The following GALNT7 variants were observed in gnomAD, a reference collection of about 807,000 sequenced individuals.
GALNT7 encodes the protein polypeptide N-acetylgalactosaminyltransferase 7.
A neutral mutation model predicts 82.1 loss-of-function variants in GALNT7; 60 were observed. The observed-to-expected ratio is 0.73, with a 90% CI of 0.59 to 0.91. The LOEUF (loss-of-function observed/expected upper bound fraction) is 0.91. Ranked by LOEUF, GALNT7 falls within the 40% of genes least tolerant of loss-of-function variation. The pLI, the probability that GALNT7 is intolerant of heterozygous loss-of-function variation, is 0.00. For missense variants in GALNT7, 660 were observed against 804.2 expected (o/e 0.82, Z 2.17); for synonymous variants, 243 against 275.1 (o/e 0.88, Z 1.15).
chr4:173,264,841 T>C (rs1484194570), intron 2 of GALNT7, among the ~76,000 whole-genome samples: 1 of 152,232 alleles, frequency 6.6e-6, no homozygotes, highest in African/African-American at 2.4e-5. Flanking sequence ...TGTGGCATGC[T>C]TTCTTTTGTG....
intron 1 of GALNT7, among the ~76,000 whole-genome samples, chr4:173,185,736 T>C (rs1009975217): frequency 7.9e-5 from 12 of 152,220 alleles, no homozygotes; most frequent in Admixed American, 7.9e-4. Context: ...TTTTGTTTTT[T>C]TAATTTCCTT....
rs866554385 is a variant in GALNT7 at position 173,184,922 on chromosome 4, G to A, written c.126+15961G>A. 9.9e-5 allele frequency among the ~76,000 whole-genome samples: 15 copies of A among 152,200 alleles called. No homozygotes were observed. The Middle Eastern group carries it at 0.01, about 104-fold the overall frequency. On this transcript the variant is annotated intron_variant, in intron 1 of 11. Transcript: ENST00000265000. ...ATAACCATATTTAAGTGGTAAAAAA[G>A]ATCAGAACATATACAGTGCCTTCTT... is the stretch of plus-strand genomic sequence containing the variant.
At chr4:173,307,415 G>A (rs1737201096) in intron 8 of GALNT7, among the ~76,000 whole-genome samples, 1 of 152,246 alleles carries the variant, frequency 6.6e-6, no homozygotes. Flanking sequence ...GCCAAGAATG[G>A]GAGCACAGAT....
chr4:173,171,450 C>T (rs1731870086), intron 1 of GALNT7, among the ~76,000 whole-genome samples: 1 of 152,236 alleles, frequency 6.6e-6, no homozygotes, highest in Admixed American at 6.5e-5. Flanking sequence ...TCTACTCCAG[C>T]AAGCTTGTAC....
chr4:173,289,153 C>T (rs1294106825), intron 2 of GALNT7, among the ~76,000 whole-genome samples: 1 of 152,104 alleles, frequency 6.6e-6, no homozygotes, highest in East Asian at 2.0e-4. Flanking sequence ...CTTCCAATCC[C>T]ATGCAATGTC....
At chr4:173,261,381 T>G (rs1027062538) in intron 2 of GALNT7, among the ~76,000 whole-genome samples, 21 of 144,356 alleles carry the variant, frequency 1.5e-4, no homozygotes, top group Admixed American at 2.2e-4. Context: ...GTGGCATCAG[T>G]TTTTTTTTGT....
chr4:173,224,720 A>C (rs1733748768), intron 1 of GALNT7, among the ~76,000 whole-genome samples: 1 of 152,124 alleles, frequency 6.6e-6, no homozygotes. Context: ...GTTTTTAAAA[A>C]TGCAAATATT....
At chr4:173,177,909 A>G (rs905388469) in intron 1 of GALNT7, among the ~76,000 whole-genome samples, 31 of 152,100 alleles carry the variant, frequency 2.0e-4, no homozygotes, top group African/African-American at 7.5e-4. Context: ...AAGTTTTATT[A>G]GAGAACTGTA....
intron 2 of GALNT7, among the ~76,000 whole-genome samples, chr4:173,274,843 G>T (rs1735844544): frequency 6.6e-6 from 1 of 152,084 alleles, no homozygotes. Context: ...AGTCAGCCGG[G>T]GATGTTGAAC....
intron 1 of GALNT7, among the ~76,000 whole-genome samples, chr4:173,203,920 C>T (rs1733017027): frequency 6.6e-6 from 1 of 152,148 alleles, no homozygotes; most frequent in Admixed American, 6.5e-5. Flanking sequence ...GTACTTTTAC[C>T]AGTAAGTTTT....
chr4:173,303,561 C>T (rs1197960386), intron 7 of GALNT7, among the ~76,000 whole-genome samples: 1 of 152,212 alleles, frequency 6.6e-6, no homozygotes, highest in Non-Finnish European at 1.5e-5. Flanking sequence ...AGCTGCCCTT[C>T]ACCTATAATA....
chr4:173,248,164 A>T lies in GALNT7; in HGVS notation c.311A>T (p.Gln104Leu). 6.2e-7 allele frequency: 1 copy of T among 1,613,944 alleles called. No homozygotes were observed. The highest frequency in any genetic ancestry group is 2.2e-5 in the East Asian group (1 of 44,876). ...EQEHHAGGDSQKDIMQRQYLT... is the reference protein window; with the variant it reads ...EQEHHAGGDSLKDIMQRQYLT... ...GAGCACCATGCTGGAGGAGATTCCC[A>T]GAAAGATATCATGCAGAGGCAGTAT... The change falls in exon 2 of 12, where the codon CAG (glutamine) becomes CTG (leucine). Residue 104 changes from glutamine (Q) to leucine (L), a missense_variant. By Grantham distance (113) the Gln-to-Leu change is moderately radical (BLOSUM62 -2). Transcript: ENST00000265000.
chr4:173,170,614 CATGGAGTG>C (rs1731829033), intron 1 of GALNT7, among the ~76,000 whole-genome samples: 1 of 152,166 alleles, frequency 6.6e-6, no homozygotes, highest in South Asian at 2.1e-4. Context: ...CTTCTCAGCT[CATGGAGTG>C]ATGGTGATCT....
chr4:173,169,022 C>T (rs1579868789), intron 1 of GALNT7, 61 bp downstream of exon 1: 3 of 1,570,528 alleles, frequency 1.9e-6, no homozygotes, highest in South Asian at 1.1e-5. Flanking sequence ...TGTTTGCCCG[C>T]GTGTGGAGGG....
intron 1 of GALNT7, among the ~76,000 whole-genome samples, chr4:173,215,173 A>G (rs536713324): frequency 1.3e-5 from 2 of 151,796 alleles, no homozygotes; most frequent in Non-Finnish European, 1.5e-5. Context: ...AACAAATCCA[A>G]CTATCCAAGA....
intron 1 of GALNT7, 54 bp from the exon 2 acceptor site, chr4:173,247,926 A>T (rs1469805480): frequency 8.5e-7 from 1 of 1,169,742 alleles, no homozygotes; most frequent in African/African-American, 1.5e-5. Flanking sequence ...CATGAGCTCT[A>T]CTGTGGTGGT....
chr4:173,229,696 A>T (rs1733964031), intron 1 of GALNT7, among the ~76,000 whole-genome samples: 1 of 152,168 alleles, frequency 6.6e-6, no homozygotes, highest in Non-Finnish European at 1.5e-5. Context: ...CAGGAATTAA[A>T]AGAGATACGT....
At chr4:173,293,581 G>A (rs528786850) in intron 3 of GALNT7, among the ~76,000 whole-genome samples, 2 of 152,184 alleles carry the variant, frequency 1.3e-5, no homozygotes, top group Non-Finnish European at 2.9e-5. Flanking sequence ...GAGCTAACTC[G>A]TAATAGCACT....
intron 1 of GALNT7, among the ~76,000 whole-genome samples, chr4:173,187,812 A>G (rs1187702195): frequency 1.3e-5 from 2 of 152,218 alleles, no homozygotes; most frequent in Non-Finnish European, 2.9e-5. Flanking sequence ...TTACTCCTAT[A>G]GTCTGTGTGT....
Sources: allele counts gnomAD v4.1 joint callset (sites outside exome capture counted in the v4.1 genomes callset), GRCh38; gene constraint gnomAD v4.1.1; transcripts MANE v1.5; gene names NCBI Gene and HGNC (gene_info 2026-07-23, HGNC 2026-07-21).